ARHGEF38: variants seen among roughly 807,000 people sequenced by gnomAD.
ARHGEF38 encodes Rho guanine nucleotide exchange factor 38, also known as Rho guanine nucleotide exchange factor (GEF) 38.
In ARHGEF38, 79 loss-of-function variants were observed where a neutral mutation model predicts 79.9. The observed-to-expected ratio is 0.99, with a 90% CI of 0.82 to 1.19. The LOEUF is 1.19. ARHGEF38 is among the 50% of genes most tolerant of loss of function. ARHGEF38 has a pLI of 0.00. For missense variants in ARHGEF38, 962 were observed against 907.2 expected, an observed-to-expected ratio of 1.06 and a Z score of -0.78; for synonymous variants, 366 against 328.3, an observed-to-expected ratio of 1.11 and a Z score of -1.24.
chr4:105,590,310 G>A (rs1236727402), intron 2 of ARHGEF38, among the ~76,000 whole-genome samples: 1 of 152,082 alleles, frequency 6.6e-6, no homozygotes, highest in African/African-American at 2.4e-5. Flanking sequence ...AGACTCCAAG[G>A]AGTGATAACT....
intron 1 of ARHGEF38, among the ~76,000 whole-genome samples, chr4:105,577,461 C>T (rs1253030277): frequency 1.3e-5 from 2 of 151,928 alleles, no homozygotes; most frequent in South Asian, 2.1e-4. Context: ...CCCTCTTCCT[C>T]TATCTTTTGT....
chr4:105,670,224 G>A (rs1392694566), intron 13 of ARHGEF38, among the ~76,000 whole-genome samples: 1 of 152,116 alleles, frequency 6.6e-6, no homozygotes, highest in Non-Finnish European at 1.5e-5. Flanking sequence ...TCCAAAGTGG[G>A]CGCACCATTT....
At position 105,679,993 on chromosome 4, in the gene ARHGEF38, TTC is replaced by T; in HGVS notation, c.*2058_*2059del. ...AATGTCCCCATGTAAACACAGTGCA[TTC>T]TGTTTTGTGCGGATTCATGGCCATG... On this transcript the variant is annotated 3_prime_UTR_variant, in exon 14 of 14. Coordinates refer to ENST00000420470, the MANE Select transcript of ARHGEF38 (RefSeq NM_001242729.2). The T allele has an allele frequency of 8.2e-7, 1 of 1,212,306 alleles. No homozygotes were observed. Among genetic ancestry groups the T allele is most frequent in the Non-Finnish European group, 1.2e-6 (1 of 819,134 alleles). 75.1% of individuals were successfully genotyped at this position (1,212,306 alleles called of 1,614,324 possible). A position where few individuals can be genotyped will look rare whatever the true frequency, so the allele number is the denominator to read the frequency against.
At position 105,589,314 on chromosome 4, in the gene ARHGEF38, T is replaced by C; in HGVS notation, c.263T>C (p.Met88Thr). The change falls in exon 2 of 14, where the codon ATG (methionine) becomes ACG (threonine). Residue 88 changes from methionine to threonine, a missense_variant. Met to Thr is a moderately conservative substitution (Grantham distance 81). Transcript: ENST00000420470. Reference sequence around the variant, plus strand: ...TTAACCCCAGAGGAAGAGCATCATATGAAGAGGATGATGGCAAAGCGGGAA... The same window carrying C: ...TTAACCCCAGAGGAAGAGCATCATACGAAGAGGATGATGGCAAAGCGGGAA... ...ETLTPEEEHH[M>T]KRMMAKREKI... 1 of 1,614,042 alleles carries C rather than the reference T, an allele frequency of 6.2e-7. No individual in the cohort carries two copies. Among genetic ancestry groups the C allele is most frequent in the Admixed American group, 1.7e-5 (1 of 60,016 alleles).
intron 2 of ARHGEF38, among the ~76,000 whole-genome samples, chr4:105,604,360 C>T (rs1159061684): frequency 1.3e-5 from 2 of 152,146 alleles, no homozygotes; most frequent in Non-Finnish European, 2.9e-5. Context: ...GTACCAGTTT[C>T]GTCCGTAATT....
chr4:105,640,261 T>C (rs1318688379), intron 5 of ARHGEF38, among the ~76,000 whole-genome samples: 1 of 152,176 alleles, frequency 6.6e-6, no homozygotes, highest in Admixed American at 6.6e-5. Flanking sequence ...AAACTTCTTT[T>C]CAGAGCTAAA....
chr4:105,572,401 A>G (rs555245500), intron 1 of ARHGEF38, among the ~76,000 whole-genome samples: 13 of 152,214 alleles, frequency 8.5e-5, no homozygotes, highest in African/African-American at 2.9e-4. Context: ...ACATAACAAC[A>G]TTTACCATCT....
chr4:105,614,892 A>T (rs1205269255), intron 3 of ARHGEF38, among the ~76,000 whole-genome samples: 1 of 152,224 alleles, frequency 6.6e-6, no homozygotes, highest in Admixed American at 6.5e-5. Flanking sequence ...AGCTTCTTGA[A>T]TTGAAGGTGT....
chr4:105,674,141 G>A (rs775846836), intron 13 of ARHGEF38, among the ~76,000 whole-genome samples: 148 of 152,182 alleles, frequency 9.7e-4, no homozygotes, highest in Non-Finnish European at 1.3e-3. Flanking sequence ...ATGCCAAACT[G>A]GGAATGTTAC....
At chr4:105,638,895 T>C (rs1729508376) in intron 5 of ARHGEF38, among the ~76,000 whole-genome samples, 1 of 152,100 alleles carries the variant, frequency 6.6e-6, no homozygotes, top group Admixed American at 6.6e-5. Context: ...TGTCATAAGT[T>C]TATTTTTATA....
intron 3 of ARHGEF38, among the ~76,000 whole-genome samples, chr4:105,613,896 A>G (rs1159662739): frequency 6.6e-6 from 1 of 152,102 alleles, no homozygotes; most frequent in Non-Finnish European, 1.5e-5. Context: ...CCCATCAATC[A>G]ATTTTTTTAG....
At chr4:105,557,467 C>T (rs1299370345) in intron 1 of ARHGEF38, among the ~76,000 whole-genome samples, 1 of 151,948 alleles carries the variant, frequency 6.6e-6, no homozygotes, top group Non-Finnish European at 1.5e-5. Flanking sequence ...GTACTATGGA[C>T]TGAATGTTTG....
At chr4:105,681,543 A>AG (rs1578375034), downstream of ARHGEF38, among the ~76,000 whole-genome samples, 3 of 152,160 alleles carry the variant, frequency 2.0e-5, no homozygotes, top group African/African-American at 7.2e-5. Context: ...TCTGATGCAG[A>AG]GGGCTTCCTA....
rs1256128675 is a variant in ARHGEF38 at position 105,679,461 on chromosome 4, A to G, written c.*1524A>G. The G allele has an allele frequency of 5.4e-5, 86 of 1,590,890 alleles. No homozygotes were observed. The highest frequency in any genetic ancestry group is 1.3e-5 in the Non-Finnish European group (15 of 1,161,778). On this transcript the variant is annotated 3_prime_UTR_variant, in exon 14 of 14. Coordinates refer to ENST00000420470, the MANE Select transcript of ARHGEF38 (RefSeq NM_001242729.2). The stretch of plus-strand genomic sequence containing the variant: ...ATCCTGTATTTCCTCTAGGCTTTCC[A>G]GAGTCATGGTCACAAACCCCTTATC...
intron 1 of ARHGEF38, among the ~76,000 whole-genome samples, chr4:105,567,921 T>G (rs1193029309): frequency 8.2e-6 from 1 of 122,214 alleles, no homozygotes; most frequent in African/African-American, 3.1e-5. Flanking sequence ...CCCAGTGCTA[T>G]CCCTCCCCCC....
chr4:105,656,576 T>A (rs1730335366), intron 9 of ARHGEF38, among the ~76,000 whole-genome samples: 1 of 152,150 alleles, frequency 6.6e-6, no homozygotes, highest in African/African-American at 2.4e-5. Flanking sequence ...TAATATTAAT[T>A]TTAATTTAGT....
rs1215254814 is a variant in ARHGEF38 at position 105,552,753 on chromosome 4, G to A, written c.-13G>A. On this transcript the variant is annotated 5_prime_UTR_variant, in exon 1 of 14. Coordinates refer to ENST00000420470, the MANE Select transcript of ARHGEF38 (RefSeq NM_001242729.2). ...CATTGCCTGCAAGCCTCCAAAGCTT[G>A]TCTTTGCCTAATATGGAGCCCAAAG... 1.3e-6 allele frequency: 2 copies of A among 1,599,106 alleles called. No individual in the cohort carries two copies. The highest frequency in any genetic ancestry group is 8.5e-7 in the Non-Finnish European group (1 of 1,174,042).
At position 105,662,926 on chromosome 4, in the gene ARHGEF38, T is replaced by A. The variant is rs188243139; in HGVS notation, c.1546-3251T>A. On this transcript the variant is annotated intron_variant, in intron 10 of 13. Transcript: ENST00000420470. The stretch of plus-strand genomic sequence containing the variant: ...CCATAGCCAAACAAGAGCATAGAGA[T>A]GCTTTGTTTTTGAGAAATTTCTAGT... Among the ~76,000 whole-genome samples the A allele has an allele frequency of 5.9e-5, 9 of 152,314 alleles. No individual in the cohort carries two copies. The South Asian group carries it at 8.3e-4, about 14-fold the overall frequency.
At chr4:105,608,406 A>T (rs1728146168) in intron 2 of ARHGEF38, among the ~76,000 whole-genome samples, 1 of 151,672 alleles carries the variant, frequency 6.6e-6, no homozygotes, top group Non-Finnish European at 1.5e-5. Flanking sequence ...TTGTAATTTA[A>T]TTTATTTTTA....
Sources: gnomAD v4.1 joint callset for allele counts (sites outside exome capture counted in the v4.1 genomes callset) on GRCh38, gnomAD v4.1.1 for gene constraint, MANE v1.5 for transcripts, NCBI Gene and HGNC (gene_info 2026-07-23, HGNC 2026-07-21) for gene names.